The following SCAF1 variants were observed in gnomAD, a reference collection of about 807,000 sequenced individuals.
SCAF1 encodes splicing factor, arginine/serine-rich 19.
In SCAF1, 28 loss-of-function variants were observed where a neutral mutation model predicts 91.2. The observed-to-expected ratio is 0.31, with a 90% confidence interval of 0.23 to 0.42. The LOEUF is 0.42. Ranked by LOEUF, SCAF1 falls within the 10% of genes least tolerant of loss-of-function variation. The probability of loss-of-function intolerance (pLI) is 1.00; values close to 1 mark genes in which losing one functional copy is unlikely to be tolerated. For synonymous variants in SCAF1, 1,036 were observed against 833.7 expected, an observed-to-expected ratio of 1.24 and a Z score of -4.18; for missense variants, 1,893 against 1,872.1, an observed-to-expected ratio of 1.01 and a Z score of -0.21.
At position 49,658,547 on chromosome 19, in the gene SCAF1, G is replaced by T; in HGVS notation, c.*148G>T. ...AGAGCCCCCTGCCCTGCCCTGCCCC[G>T]TGTCCACCTCCCTTGCCCCCAAGCC... On this transcript the variant is annotated 3_prime_UTR_variant, in exon 11 of 11. Coordinates refer to ENST00000360565, the MANE Select transcript of SCAF1 (RefSeq NM_021228.3). 1.6e-6 allele frequency: 1 copy of T among 613,360 alleles called. No homozygotes were observed. Among genetic ancestry groups the T allele is most frequent in the South Asian group, 1.9e-5 (1 of 51,530 alleles). The allele number at this position is 613,360 out of a possible 1,614,324, so 38.0% of individuals were successfully genotyped here. A position where few individuals can be genotyped will look rare whatever the true frequency, so the allele number is the denominator to read the frequency against.
chr19:49,654,150 C>A (rs547009611), intron 7 of SCAF1, among the ~76,000 whole-genome samples, 199 bp from the exon 8 acceptor site: 1 of 152,314 alleles, frequency 6.6e-6, no homozygotes, highest in Non-Finnish European at 1.5e-5. Context: ...CACCCACACA[C>A]CTGGAGTCCC....
rs534412213 is a variant in SCAF1, at chr19:49,654,332, C to G, written c.3317-17C>G. 3.7e-6 allele frequency: 6 copies of G among 1,611,424 alleles called. No individual in the cohort carries two copies. ...ACCTCTCCCATCTTCATGTTGTCAC[C>G]TCTCTGCCTCCTGCAGTGACTGCAC... is the stretch of plus-strand genomic sequence containing the variant. On this transcript the variant is annotated splice_polypyrimidine_tract_variant and intron_variant, in intron 7 of 10. Coordinates refer to ENST00000360565, the MANE Select transcript of SCAF1 (RefSeq NM_021228.3).
In SCAF1 at chr19:49,653,558, A is replaced by G. The variant is rs756011349; in HGVS notation, c.3169A>G (p.Thr1057Ala). 36 of 1,586,952 alleles carry G rather than the reference A, an allele frequency of 2.3e-5. No homozygotes were observed. The African/African-American group carries it at 4.0e-4, about 18-fold the overall frequency. The change falls in exon 7 of 11, where the codon ACT (threonine) becomes GCT (alanine). Residue 1057 changes from threonine to alanine, a missense_variant. By Grantham distance (58) the Thr-to-Ala change is moderately conservative. Around this residue, in one of 5 missense-constraint regions of SCAF1, gnomAD observed 1,436 missense variants for 1,306.8 expected, o/e 1.10. Transcript: ENST00000360565. ...CAGCACTGCTGCAGCCGCCCCAAGCACTGCCCCCAGCGCGGGGTCCACAGC... is the reference window on the plus strand; with the variant it reads ...CAGCACTGCTGCAGCCGCCCCAAGCGCTGCCCCCAGCGCGGGGTCCACAGC... ...ATSTAAAAPS[T>A]APSAGSTAGD...
chr19:49,647,102 G>A (rs528623908), intron 6 of SCAF1, among the ~76,000 whole-genome samples: 1 of 152,370 alleles, frequency 6.6e-6, no homozygotes, highest in Admixed American at 6.5e-5. Context: ...ATCTCCCCAG[G>A]AGGGGGACTC....
intron 9 of SCAF1, among the ~76,000 whole-genome samples, chr19:49,656,676 G>A (rs1052715823): frequency 6.6e-6 from 1 of 152,198 alleles, no homozygotes; most frequent in Non-Finnish European, 1.5e-5. Context: ...GGCGGGAAGA[G>A]CCTTGCCTCG....
rs1372268421 is a variant in SCAF1, at chr19:49,652,830, G to A, written c.2441G>A (p.Ser814Asn). 3.1e-6 allele frequency: 5 copies of A among 1,613,928 alleles called. No homozygotes were observed. In the South Asian group the frequency reaches 5.5e-5, roughly 18 times the overall value. ...SSGPPPKPPV[S>N]SGSGSSSSSS... ...GGGCCCCCGCCAAAGCCACCAGTCA[G>A]CAGCGGCTCAGGCTCTTCATCCTCG... Residue 814 changes from serine to asparagine, a missense_variant, in exon 7 of 11, where the codon AGC (serine) becomes AAC (asparagine). Around this residue, in one of 5 missense-constraint regions of SCAF1, gnomAD observed 1,436 missense variants for 1,306.8 expected, o/e 1.10. Coordinates refer to ENST00000360565, the MANE Select transcript of SCAF1 (RefSeq NM_021228.3).
Position 49,652,388 on chromosome 19 carries a change from C to G in SCAF1, c.1999C>G (p.Pro667Ala). 1.3e-6 allele frequency: 2 copies of G among 1,562,364 alleles called. No individual in the cohort carries two copies. The highest frequency in any genetic ancestry group is 1.7e-6 in the Non-Finnish European group (2 of 1,157,880). ...DGSEKAPAPA[P>A]PPSGSTSCGD... ...CAGCGAGAAGGCCCCGGCGCCCGCC[C>G]CGCCGCCCTCTGGCTCCACCTCGTG... is the stretch of plus-strand genomic sequence containing the variant. Residue 667 changes from proline (P) to alanine (A), a missense_variant, in exon 7 of 11, where the codon CCG (proline) becomes GCG (alanine). Pro to Ala is a conservative substitution (Grantham distance 27). Transcript: ENST00000360565.
chr19:49,653,026 T>C lies in SCAF1; in HGVS notation c.2637T>C (p.Pro879=), dbSNP rs915819379. ...AGAGTCGCTCCCCCTTCCTCAAACC[T>C]GACGAGCGGGCCCCCACTGAGATGG... ...DRESRSPFLK[P]DERAPTEMAK... Residue 879 remains proline, a synonymous_variant, in exon 7 of 11, where the codon CCT becomes CCC. Transcript: ENST00000360565. 1.9e-6 allele frequency: 3 copies of C among 1,613,784 alleles called. No individual in the cohort carries two copies. The highest frequency in any genetic ancestry group is 2.5e-6 in the Non-Finnish European group (3 of 1,179,996).
chr19:49,649,916 G>A (rs2081075798), intron 6 of SCAF1, among the ~76,000 whole-genome samples: 1 of 152,218 alleles, frequency 6.6e-6, no homozygotes, highest in Non-Finnish European at 1.5e-5. Context: ...GGATCAAGGG[G>A]TGGCTCTGGT....
rs748499967 is a variant in SCAF1, at chr19:49,652,376, C to T, written c.1987C>T (p.Pro663Ser). 6.5e-7 allele frequency: 1 copy of T among 1,544,376 alleles called. No homozygotes were observed. Among genetic ancestry groups the T allele is most frequent in the South Asian group, 1.2e-5 (1 of 84,242 alleles). The change falls in exon 7 of 11, where the codon CCG becomes TCG. Residue 663 changes from proline to serine, a missense_variant. Transcript: ENST00000360565. ...GTCTGGGGATGGCAGCGAGAAGGCC[C>T]CGGCGCCCGCCCCGCCGCCCTCTGG... Reference protein sequence around the residue: ...KRSGDGSEKAPAPAPPPSGST... With the variant: ...KRSGDGSEKASAPAPPPSGST...
Position 49,653,488 on chromosome 19 carries a change from AGAG to A in SCAF1, c.3102_3104del (p.Glu1039del). On this transcript the variant is annotated inframe_deletion, in exon 7 of 11. Transcript: ENST00000360565. ...AGGAGGAAGAAGAAGAGGAGGAGGAAGAGGAAGAGGAGGAGGAGCAGCAGCCTG... is the reference window on the plus strand; with the variant it reads ...AGGAGGAAGAAGAAGAGGAGGAGGAAGAAGAGGAGGAGGAGCAGCAGCCTG... 1.3e-6 allele frequency: 2 copies of A among 1,557,646 alleles called. No homozygotes were observed. The highest frequency in any genetic ancestry group is 1.7e-6 in the Non-Finnish European group (2 of 1,155,658).
At position 49,646,527 on chromosome 19, in the gene SCAF1, T is replaced by C; in HGVS notation, c.263T>C (p.Val88Ala). The C allele has an allele frequency of 6.2e-7, 1 of 1,613,672 alleles. No homozygotes were observed. The highest frequency in any genetic ancestry group is 8.5e-7 in the Non-Finnish European group (1 of 1,179,676). ...QESGGTDTAT[V>A]LDMATDSFLA... ...TAGAGCCTCTCTGGCCTCTTCCAGG[T>C]GTTGGACATGGCCACGGACAGCTTC... Residue 88 changes from valine to alanine, a missense_variant and splice_region_variant, in exon 5 of 11, where the codon GTG becomes GCG. By Grantham distance (64) the Val-to-Ala change is moderately conservative. Transcript: ENST00000360565. This position sits in a 1 kb window ranked among gnomAD's most constrained non-coding sequence, Gnocchi z 5.6.
Position 49,652,534 on chromosome 19 carries a change from C to G in SCAF1, c.2145C>G (p.Pro715=). ...ITVGRLDKSD[P]RGPSPAPASS... ...TGGGCCGGCTTGACAAGTCCGACCC[C>G]CGAGGACCCTCTCCTGCTCCGGCCT... Residue 715 remains proline, a synonymous_variant, in exon 7 of 11, where the codon CCC becomes CCG. Transcript: ENST00000360565. 1 of 1,572,108 alleles carries G rather than the reference C, an allele frequency of 6.4e-7. No individual in the cohort carries two copies. The highest frequency in any genetic ancestry group is 8.6e-7 in the Non-Finnish European group (1 of 1,158,090).
chr19:49,654,297 C>T lies in SCAF1; in HGVS notation c.3317-52C>T, dbSNP rs548473741. ...GTGTCCAGGTGAGGTTCACCAGCTC[C>T]TGTCCTGTCACCTCTCCCATCTTCA... is the stretch of plus-strand genomic sequence containing the variant. On this transcript the variant is annotated intron_variant, in intron 7 of 10. Transcript: ENST00000360565. The T allele has an allele frequency of 7.2e-6, 11 of 1,520,440 alleles. No homozygotes were observed. The South Asian group carries it at 1.1e-4, about 16-fold the overall frequency. The allele number at this position is 1,520,440 out of a possible 1,614,324, so 94.2% of individuals were successfully genotyped here. A position where few individuals can be genotyped will look rare whatever the true frequency, so the allele number is the denominator to read the frequency against.
rs1413846676 is a variant in SCAF1, at chr19:49,651,752, G to A, written c.1363G>A (p.Gly455Ser). The A allele has an allele frequency of 1.3e-5, 18 of 1,337,034 alleles. No individual in the cohort carries two copies. The South Asian group carries it at 2.2e-4, about 16-fold the overall frequency. 82.8% of individuals were successfully genotyped at this position (1,337,034 alleles called of 1,614,324 possible). ...DFLSLHAESD[G>S]EGALQVDLGE... ...CTTGTCCCTGCATGCGGAGTCGGAC[G>A]GCGAGGGCGCCCTGCAGGTGGACCT... The change falls in exon 7 of 11, where the codon GGC (glycine) becomes AGC (serine). Residue 455 changes from glycine (G) to serine (S), a missense_variant. By Grantham distance (56) the Gly-to-Ser change is moderately conservative. Around this residue, in one of 5 missense-constraint regions of SCAF1, gnomAD observed 1,436 missense variants for 1,306.8 expected, o/e 1.10. Coordinates refer to ENST00000360565, the MANE Select transcript of SCAF1 (RefSeq NM_021228.3).
intron 9 of SCAF1, among the ~76,000 whole-genome samples, chr19:49,655,655 C>T (rs1014663741): frequency 3.3e-5 from 5 of 152,018 alleles, no homozygotes; most frequent in Admixed American, 1.3e-4. Flanking sequence ...TGTGAGCCAC[C>T]GTGCCCGGCC....
Position 49,658,440 on chromosome 19 carries a change from C to G in SCAF1, c.*41C>G. 8.4e-7 allele frequency: 1 copy of G among 1,184,174 alleles called. No individual in the cohort carries two copies. The allele number at this position is 1,184,174 out of a possible 1,614,324, so 73.4% of individuals were successfully genotyped here. On this transcript the variant is annotated 3_prime_UTR_variant, in exon 11 of 11. Coordinates refer to ENST00000360565, the MANE Select transcript of SCAF1 (RefSeq NM_021228.3). ...CTTCGCCCCTCACCTCTTTGAAACT[C>G]TGGACGTATTTATGGCTCCACCTCC...
chr19:49,651,003 C>A lies in SCAF1; in HGVS notation c.614C>A (p.Ser205Tyr). The A allele has an allele frequency of 1.2e-6, 1 of 829,052 alleles. No homozygotes were observed. The highest frequency in any genetic ancestry group is 1.7e-6 in the Non-Finnish European group (1 of 571,504). 51.4% of individuals were successfully genotyped at this position (829,052 alleles called of 1,614,324 possible). Residue 205 changes from serine (S) to tyrosine (Y), a missense_variant, in exon 7 of 11, where the codon TCC (serine) becomes TAC (tyrosine). Transcript: ENST00000360565. ...CCTTCCCCTTCTCCCTCATCTTCCTCCCCTTCCCCTCCCCCACCCCCACCG... is the reference window on the plus strand; with the variant it reads ...CCTTCCCCTTCTCCCTCATCTTCCTACCCTTCCCCTCCCCCACCCCCACCG... Reference protein sequence around the residue: ...SSPSPSPSSSSPSPPPPPPPP... With the variant: ...SSPSPSPSSSYPSPPPPPPPP...
rs951906967 is a variant in SCAF1, at chr19:49,658,480, C to A, written c.*81C>A. On this transcript the variant is annotated 3_prime_UTR_variant, in exon 11 of 11. Coordinates refer to ENST00000360565, the MANE Select transcript of SCAF1 (RefSeq NM_021228.3). Reference sequence around the variant, plus strand: ...GCTCCACCTCCCCACCTCCCTCCCCCGTCAGTGGGATGACTGGGGGAGGGT... The same window carrying A: ...GCTCCACCTCCCCACCTCCCTCCCCAGTCAGTGGGATGACTGGGGGAGGGT... 1.2e-5 allele frequency: 9 copies of A among 771,550 alleles called. No homozygotes were observed. In the East Asian group the frequency reaches 1.9e-4, roughly 16 times the overall value. 47.8% of individuals were successfully genotyped at this position (771,550 alleles called of 1,614,324 possible). A position where few individuals can be genotyped will look rare whatever the true frequency, so the allele number is the denominator to read the frequency against.
Sources: gnomAD v4.1 joint callset for allele counts (sites outside exome capture counted in the v4.1 genomes callset) on GRCh38, gnomAD v4.1.1 for gene constraint, gnomAD v4.1.1 regional missense constraint, Gnocchi (gnomAD v3.1) non-coding constraint, MANE v1.5 for transcripts, NCBI Gene and HGNC (gene_info 2026-07-23, HGNC 2026-07-21) for gene names.